ST7: variants seen among roughly 807,000 people sequenced by gnomAD.
The protein encoded by ST7 is suppression of tumorigenicity 7, also known as suppressor of tumorigenicity 7 protein.
Under a neutral mutation model 78.7 loss-of-function variants are expected in ST7, and 28 were observed. The ratio of observed to expected loss-of-function variants is 0.36; its 90% CI spans 0.26 to 0.49. The LOEUF is 0.49. Ranked by LOEUF, ST7 falls within the 20% of genes least tolerant of loss-of-function variation. ST7 has a pLI of 0.99. For synonymous variants in ST7, 247 were observed against 249.6 expected (o/e 0.99, Z 0.10); for missense variants, 418 against 696.0 (o/e 0.60, Z 4.49).
At chr7:117,024,811 A>G (rs539267551) in intron 1 of ST7, among the ~76,000 whole-genome samples, 26 of 152,256 alleles carry the variant, frequency 1.7e-4, no homozygotes, top group Non-Finnish European at 2.6e-4. Context: ...CTGGATAGCT[A>G]CATCACCTGG....
intron 1 of ST7, chr7:116,972,377 A>G: frequency 1.5e-6 from 1 of 652,508 alleles, no homozygotes; most frequent in Non-Finnish European, 2.7e-6. Context: ...TCTTTTTGAG[A>G]GTACTTTTCT....
At chr7:116,995,651 C>T (rs11771917) in intron 1 of ST7, among the ~76,000 whole-genome samples, 78,057 of 151,954 alleles carry the variant, frequency 0.51, 21,054 homozygotes, top group Non-Finnish European at 0.6. Context: ...CTCATTCCTG[C>T]TATTCAGCTC....
chr7:117,062,290 G>A (rs993269826), intron 1 of ST7, among the ~76,000 whole-genome samples: 4 of 152,142 alleles, frequency 2.6e-5, no homozygotes, highest in African/African-American at 4.8e-5. Flanking sequence ...CAGCTTCAAC[G>A]TAAGAATTTT....
At chr7:116,972,279 G>T in intron 1 of ST7, 1 of 563,964 alleles carries the variant, frequency 1.8e-6, no homozygotes, top group Non-Finnish European at 3.3e-6. Context: ...TTTCCAGCTT[G>T]GCTACCGATC....
rs189305665 is a variant in ST7, at chr7:116,962,175, C to T, written c.151+8484C>T. On this transcript the variant is annotated intron_variant, in intron 1 of 15. Coordinates refer to ENST00000323984, the MANE Select transcript of ST7 (RefSeq NM_001369598.1). ...TGTACGTGTACCACATTTTCTTTAT[C>T]CAGTCTATCATTGATGGGCATTTGG... 4.2e-3 allele frequency among the ~76,000 whole-genome samples: 636 copies of T among 152,258 alleles called. 2 individuals are homozygous for T. Among genetic ancestry groups the T allele is most frequent in the Non-Finnish European group, 6.6e-3 (452 of 68,028 alleles).
chr7:117,053,379 A>G (rs1797892679), intron 1 of ST7, among the ~76,000 whole-genome samples: 1 of 152,204 alleles, frequency 6.6e-6, no homozygotes, highest in South Asian at 2.1e-4. Context: ...TTAAACACGG[A>G]CTACTCTTGT....
intron 1 of ST7, among the ~76,000 whole-genome samples, chr7:117,069,974 AAC>A (rs776792733): frequency 2.4e-4 from 37 of 152,216 alleles, no homozygotes; most frequent in Non-Finnish European, 3.8e-4. Context: ...TTTAATATAA[AAC>A]AGTTAATTTT....
At chr7:116,967,876 T>A (rs1793208012) in intron 1 of ST7, among the ~76,000 whole-genome samples, 1 of 152,250 alleles carries the variant, frequency 6.6e-6, no homozygotes, top group Non-Finnish European at 1.5e-5. Context: ...AGACTGATAG[T>A]TCTTTTTAAA....
At chr7:117,194,480 G>A (rs535964778) in intron 12 of ST7, among the ~76,000 whole-genome samples, 4 of 152,284 alleles carry the variant, frequency 2.6e-5, no homozygotes, top group East Asian at 1.9e-4. Context: ...CCTCCGTGGT[G>A]TCTCACTATA....
intron 1 of ST7, among the ~76,000 whole-genome samples, chr7:117,080,679 C>T (rs1799704998): frequency 6.6e-6 from 1 of 152,016 alleles, no homozygotes; most frequent in African/African-American, 2.4e-5. Flanking sequence ...GAGAAAGAAC[C>T]CATCAGATTT....
At chr7:117,161,041 T>C (rs1807101001) in intron 9 of ST7, among the ~76,000 whole-genome samples, 5 of 152,152 alleles carry the variant, frequency 3.3e-5, no homozygotes. Flanking sequence ...TTAAAATCTA[T>C]TAGATCAAAT....
chr7:116,963,259 G>A (rs1792926257), intron 1 of ST7, among the ~76,000 whole-genome samples: 1 of 152,206 alleles, frequency 6.6e-6, no homozygotes, highest in African/African-American at 2.4e-5. Context: ...TATTTGAGAT[G>A]TTGTTGTAAA....
chr7:116,989,389 A>G (rs935883377), intron 1 of ST7, among the ~76,000 whole-genome samples: 4 of 152,192 alleles, frequency 2.6e-5, no homozygotes, highest in African/African-American at 9.7e-5. Context: ...TAGCCTGTCA[A>G]TCTTCATTGA....
intron 9 of ST7, among the ~76,000 whole-genome samples, chr7:117,158,376 C>T (rs1429103291): frequency 6.6e-6 from 1 of 152,182 alleles, no homozygotes; most frequent in African/African-American, 2.4e-5. Flanking sequence ...AAACGGATCA[C>T]AGTTTTGACA....
intron 10 of ST7, among the ~76,000 whole-genome samples, chr7:117,177,938 C>A (rs569693206): frequency 9.2e-5 from 14 of 152,262 alleles, no homozygotes; most frequent in African/African-American, 3.4e-4. Flanking sequence ...AAGAACACAT[C>A]ACAATCCACA....
intron 1 of ST7, chr7:116,959,271 C>T (rs1792697665): frequency 6.4e-6 from 3 of 470,772 alleles, no homozygotes; most frequent in South Asian, 4.7e-5. Flanking sequence ...AATTCAGTCA[C>T]ATCTTAAAGC....
chr7:117,160,810 A>G (rs1807082736), intron 9 of ST7, among the ~76,000 whole-genome samples: 1 of 152,062 alleles, frequency 6.6e-6, no homozygotes, highest in Non-Finnish European at 1.5e-5. Context: ...CCCAACCCCA[A>G]CACTAAGGGT....
At chr7:117,187,694 G>T (rs905783136) in intron 10 of ST7, 1 of 152,138 alleles carries the variant, frequency 6.6e-6, no homozygotes, top group Non-Finnish European at 1.5e-5. Context: ...TTAAAAAGAG[G>T]CTCCTTCTTG....
At chr7:116,991,641 C>G (rs967028825) in intron 1 of ST7, among the ~76,000 whole-genome samples, 1 of 152,160 alleles carries the variant, frequency 6.6e-6, no homozygotes, top group Non-Finnish European at 1.5e-5. Flanking sequence ...TGGGTGGGGA[C>G]ACAGAGCCAA....
Sources: allele counts gnomAD v4.1 joint callset (sites outside exome capture counted in the v4.1 genomes callset), GRCh38; gene constraint gnomAD v4.1.1; transcripts MANE v1.5; gene names NCBI Gene and HGNC (gene_info 2026-07-23, HGNC 2026-07-21).